Variants in PPARGC1A observed in about 807,000 individuals in gnomAD.
PPARGC1A encodes peroxisome proliferator-activated receptor gamma coactivator 1-alpha.
PPARGC1A carries 25 observed loss-of-function variants against 88.7 expected under a neutral mutation model. The ratio of observed to expected loss-of-function variants is 0.28; its 90% CI spans 0.21 to 0.39. The LOEUF is 0.39. Among genes scored for constraint, PPARGC1A ranks in the 10% least tolerant of loss-of-function variants. The pLI is 1.00. For synonymous variants in PPARGC1A, 363 were observed against 355.6 expected (o/e 1.02, Z -0.24); for missense variants, 880 against 968.7 (o/e 0.91, Z 1.22).
the PPARGC1A span, among the ~76,000 whole-genome samples, chr4:24,122,822 C>T: frequency 6.6e-6 from 1 of 152,142 alleles, no homozygotes; most frequent in East Asian, 1.9e-4. Flanking sequence ...AGTGATGCCA[C>T]TAGCGAGAAC....
chr4:23,823,555 C>T (rs1332841002), intron 7 of PPARGC1A, among the ~76,000 whole-genome samples: 2 of 152,034 alleles, frequency 1.3e-5, no homozygotes, highest in East Asian at 1.9e-4. Flanking sequence ...ATCATATATA[C>T]ACACAAAAGC....
upstream of PPARGC1A, among the ~76,000 whole-genome samples, chr4:23,906,609 A>G (rs1327292300): frequency 1.5e-4 from 17 of 114,388 alleles, no homozygotes; most frequent in African/African-American, 8.5e-4. Flanking sequence ...CTGTCTCACA[A>G]AAAAAAAAAA....
chr4:24,370,962 G>A, the PPARGC1A span, among the ~76,000 whole-genome samples: 3 of 151,688 alleles, frequency 2.0e-5, no homozygotes, highest in African/African-American at 7.3e-5. Context: ...CCTGGTGTGT[G>A]ATGTTCCCCT....
the PPARGC1A span, among the ~76,000 whole-genome samples, chr4:24,001,195 G>C: frequency 1.3e-5 from 2 of 152,150 alleles, no homozygotes; most frequent in Non-Finnish European, 2.9e-5. Context: ...TACCATGTTT[G>C]ATAAATGTGA....
the PPARGC1A span, among the ~76,000 whole-genome samples, chr4:24,156,987 T>C: frequency 2.0e-5 from 3 of 152,190 alleles, no homozygotes; most frequent in Non-Finnish European, 4.4e-5. Flanking sequence ...GCTACTTTGA[T>C]ACAAGACACT....
chr4:24,339,820 C>A, the PPARGC1A span, among the ~76,000 whole-genome samples: 3 of 152,148 alleles, frequency 2.0e-5, no homozygotes, highest in African/African-American at 7.2e-5. Context: ...CTCACTGCAA[C>A]GTCCACCTGC....
chr4:24,157,639 T>C, the PPARGC1A span, among the ~76,000 whole-genome samples: 29 of 152,264 alleles, frequency 1.9e-4, 2 homozygotes, highest in African/African-American at 7.0e-4. Flanking sequence ...TCCATCCTGT[T>C]GTTCATGCCC....
chr4:24,262,949 G>A, the PPARGC1A span, among the ~76,000 whole-genome samples: 1 of 152,190 alleles, frequency 6.6e-6, no homozygotes, highest in South Asian at 2.1e-4. Context: ...TTAACACAGA[G>A]CGCTTCAATA....
At chr4:24,383,122 C>T in the PPARGC1A span, among the ~76,000 whole-genome samples, 1 of 152,176 alleles carries the variant, frequency 6.6e-6, no homozygotes, top group Admixed American at 6.5e-5. Flanking sequence ...TTCAGCAGAC[C>T]TGCAGCAGAG....
chr4:23,982,936 T>C, the PPARGC1A span, among the ~76,000 whole-genome samples: 834 of 152,290 alleles, frequency 5.5e-3, 37 homozygotes, highest in East Asian at 0.091. Context: ...CCTGGTTTTA[T>C]AAATAAAGTT....
the PPARGC1A span, among the ~76,000 whole-genome samples, chr4:24,402,462 C>T: frequency 6.6e-6 from 1 of 152,184 alleles, no homozygotes; most frequent in Non-Finnish European, 1.5e-5. Flanking sequence ...TTAATCTGAT[C>T]CCCATGACAA....
chr4:24,374,352 G>A, the PPARGC1A span, among the ~76,000 whole-genome samples: 9 of 151,960 alleles, frequency 5.9e-5, no homozygotes, highest in African/African-American at 1.9e-4. Flanking sequence ...CAGGAATCAC[G>A]AAGAAACCTT....
chr4:23,844,487 T>C (rs1487313237), intron 2 of PPARGC1A, among the ~76,000 whole-genome samples: 2 of 35,514 alleles, frequency 5.6e-5, no homozygotes, highest in East Asian at 6.4e-4. Flanking sequence ...TATATTATAA[T>C]AATCATAATA....
chr4:24,122,418 T>TGCGC, the PPARGC1A span, among the ~76,000 whole-genome samples: 82 of 96,940 alleles, frequency 8.5e-4, no homozygotes, highest in Non-Finnish European at 1.3e-3. Flanking sequence ...TGTGTGTGCA[T>TGCGC]ATATATATAT....
At chr4:24,123,767 T>C in the PPARGC1A span, among the ~76,000 whole-genome samples, 1 of 152,130 alleles carries the variant, frequency 6.6e-6, no homozygotes, top group Non-Finnish European at 1.5e-5. Flanking sequence ...CGTAAGAAGC[T>C]GGGCTGACTT....
the PPARGC1A span, among the ~76,000 whole-genome samples, chr4:24,428,826 A>G: frequency 6.6e-6 from 1 of 152,212 alleles, no homozygotes; most frequent in Non-Finnish European, 1.5e-5. Flanking sequence ...ATGAAATTGT[A>G]TCTTTCTTAT....
chr4:24,253,272 T>C, the PPARGC1A span, among the ~76,000 whole-genome samples: 1 of 152,310 alleles, frequency 6.6e-6, no homozygotes, highest in Non-Finnish European at 1.5e-5. Context: ...GCTCTTTTTG[T>C]TCTTTTTCTT....
At chr4:24,320,339 G>A in the PPARGC1A span, among the ~76,000 whole-genome samples, 2 of 152,072 alleles carry the variant, frequency 1.3e-5, no homozygotes, top group South Asian at 4.1e-4. Context: ...TTCTTCACAG[G>A]AAATAAACAC....
chr4:24,002,529 G>C, the PPARGC1A span, among the ~76,000 whole-genome samples: 1 of 151,440 alleles, frequency 6.6e-6, no homozygotes, highest in Admixed American at 6.6e-5. Context: ...AGCCGCAAAG[G>C]TTTAAAAAGA....
Sources: allele counts gnomAD v4.1 joint callset (sites outside exome capture counted in the v4.1 genomes callset), GRCh38; gene constraint gnomAD v4.1.1; transcripts MANE v1.5; gene names NCBI Gene and HGNC (gene_info 2026-07-23, HGNC 2026-07-21).